Variants in TFDP2 observed in about 807,000 individuals in gnomAD.
TFDP2 encodes the protein transcription factor Dp-2.
A neutral mutation model predicts 59.3 loss-of-function variants in TFDP2; 17 were observed. The ratio of observed to expected loss-of-function variants is 0.29; its 90% confidence interval spans 0.20 to 0.43. The LOEUF is 0.43. Among genes scored for constraint, TFDP2 ranks in the 20% least tolerant of loss-of-function variants. TFDP2 has a pLI of 1.00. For synonymous variants in TFDP2, 180 were observed against 194.7 expected (o/e 0.92, Z 0.63); for missense variants, 391 against 528.8 (o/e 0.74, Z 2.56).
chr3:142,135,845 A>C lies in TFDP2; in HGVS notation c.-93+13338T>G, dbSNP rs997810900. ...TTGGTTCCAAGTCTTTGCTATTGTG[A>C]ATAGTGCTGCAATAAACACACATGT... On this transcript the variant is annotated intron_variant, in intron 1 of 12. Coordinates refer to ENST00000489671, the MANE Select transcript of TFDP2 (RefSeq NM_001178139.2). 8.5e-5 allele frequency among the ~76,000 whole-genome samples: 13 copies of C among 152,226 alleles called. 1 individual carries two copies. In the South Asian group the frequency reaches 2.3e-3, roughly 27 times the overall value.
intron 4 of TFDP2, among the ~76,000 whole-genome samples, chr3:142,003,467 G>C (rs1315745293): frequency 6.6e-6 from 1 of 152,120 alleles, no homozygotes; most frequent in Non-Finnish European, 1.5e-5. Context: ...CCCTCAATGA[G>C]AATGAAGCCC....
At chr3:142,127,065 T>C (rs1190169884) in intron 1 of TFDP2, among the ~76,000 whole-genome samples, 1 of 149,496 alleles carries the variant, frequency 6.7e-6, no homozygotes, top group Non-Finnish European at 1.5e-5. Context: ...AGATGTAATG[T>C]ATATGTAATT....
At chr3:142,146,182 G>A (rs963494671) in intron 1 of TFDP2, among the ~76,000 whole-genome samples, 14 of 151,948 alleles carry the variant, frequency 9.2e-5, no homozygotes, top group Admixed American at 2.0e-4. Flanking sequence ...CAACAGACTA[G>A]AAGCAATCTT....
intron 4 of TFDP2, among the ~76,000 whole-genome samples, chr3:141,999,992 C>T (rs978282114): frequency 3.3e-5 from 5 of 152,176 alleles, no homozygotes; most frequent in Admixed American, 3.3e-4. Flanking sequence ...GCCTGAGCCT[C>T]CCAAAGTGCT....
chr3:142,134,476 C>T (rs964341731), intron 1 of TFDP2, among the ~76,000 whole-genome samples: 3 of 151,994 alleles, frequency 2.0e-5, no homozygotes, highest in African/African-American at 7.2e-5. Flanking sequence ...ATCAAAATTG[C>T]CATTAGTCAC....
chr3:142,108,793 C>T (rs533514813), intron 1 of TFDP2, among the ~76,000 whole-genome samples: 1 of 152,258 alleles, frequency 6.6e-6, no homozygotes, highest in South Asian at 2.1e-4. Context: ...TCCTTTCCCA[C>T]ACCTCTTTTC....
intron 3 of TFDP2, among the ~76,000 whole-genome samples, chr3:142,030,561 G>A (rs1946371611): frequency 6.6e-6 from 1 of 152,128 alleles, no homozygotes; most frequent in South Asian, 2.1e-4. Flanking sequence ...CTTACCAGAT[G>A]ACGCTTCTTA....
chr3:141,970,919 G>A (rs1939631061), intron 8 of TFDP2, among the ~76,000 whole-genome samples: 1 of 152,024 alleles, frequency 6.6e-6, no homozygotes, highest in South Asian at 2.1e-4. Context: ...AAAGCCAGGT[G>A]TGGTGGCGCG....
chr3:142,116,611 G>A (rs1466212808), intron 1 of TFDP2, among the ~76,000 whole-genome samples: 2 of 152,176 alleles, frequency 1.3e-5, no homozygotes, highest in Admixed American at 1.3e-4. Context: ...GTTGTTTTAA[G>A]CCACCCAGTT....
chr3:141,981,353 C>T (rs1941468283), intron 6 of TFDP2, among the ~76,000 whole-genome samples: 1 of 152,184 alleles, frequency 6.6e-6, no homozygotes, highest in African/African-American at 2.4e-5. Context: ...ATGATGTTCA[C>T]ACAACGATGA....
chr3:142,076,210 CAA>C (rs56018016), intron 3 of TFDP2, among the ~76,000 whole-genome samples: 2,017 of 112,150 alleles, frequency 0.018, 29 homozygotes, highest in Non-Finnish European at 0.02. Context: ...GACTCCGTCT[CAA>C]AAAAAAAAAA....
chr3:142,078,605 C>G (rs1012473315), intron 3 of TFDP2, among the ~76,000 whole-genome samples: 1 of 152,194 alleles, frequency 6.6e-6, no homozygotes, highest in African/African-American at 2.4e-5. Context: ...GCAGATACAG[C>G]TGCCATGACT....
At chr3:142,125,048 T>G (rs2108708177) in intron 1 of TFDP2, among the ~76,000 whole-genome samples, 1 of 152,040 alleles carries the variant, frequency 6.6e-6, no homozygotes, top group South Asian at 2.1e-4. Context: ...AAAAAAAATT[T>G]TTTTTAAATT....
At chr3:142,087,503 CTTTT>C (rs377083897) in intron 3 of TFDP2, among the ~76,000 whole-genome samples, 2 of 142,000 alleles carry the variant, frequency 1.4e-5, no homozygotes, top group African/African-American at 2.6e-5. Context: ...TACTTCTTTT[CTTTT>C]TTTTTTTTTT....
intron 3 of TFDP2, among the ~76,000 whole-genome samples, chr3:142,088,304 A>G (rs541427249): frequency 6.6e-6 from 1 of 151,644 alleles, no homozygotes; most frequent in Non-Finnish European, 1.5e-5. Context: ...GCAACCCTGG[A>G]GCAGTCCAGC....
intron 3 of TFDP2, among the ~76,000 whole-genome samples, chr3:142,034,090 CTTTTTTTTTT>C (rs34769821): frequency 1.1e-5 from 1 of 93,790 alleles, no homozygotes; most frequent in Admixed American, 1.3e-4. Flanking sequence ...TTTGCACCAA[CTTTTTTTTTT>C]TTTTTTTTTT....
chr3:142,145,868 G>T (rs531613813), intron 1 of TFDP2, among the ~76,000 whole-genome samples: 1 of 152,114 alleles, frequency 6.6e-6, no homozygotes, highest in Admixed American at 6.5e-5. Flanking sequence ...TTTTAGTAAG[G>T]CAACTGTCAA....
chr3:142,066,501 G>A (rs750231510), intron 3 of TFDP2, among the ~76,000 whole-genome samples: 1 of 152,204 alleles, frequency 6.6e-6, no homozygotes, highest in Non-Finnish European at 1.5e-5. Flanking sequence ...TTATAATAAA[G>A]TGTTGAATAA....
At chr3:142,092,966 A>T in intron 3 of TFDP2, 95 bp downstream of exon 3, 1 of 830,854 alleles carries the variant, frequency 1.2e-6, no homozygotes, top group East Asian at 2.8e-5. Flanking sequence ...TCATAAAATT[A>T]TTATACATAA....
Sources: allele counts gnomAD v4.1 joint callset (sites outside exome capture counted in the v4.1 genomes callset), GRCh38; gene constraint gnomAD v4.1.1; transcripts MANE v1.5; gene names NCBI Gene and HGNC (gene_info 2026-07-23, HGNC 2026-07-21).